BMPR1B: variants seen among roughly 807,000 people sequenced by gnomAD.
BMPR1B encodes the protein bone morphogenetic protein receptor type 1B.
Under a neutral mutation model 59.1 loss-of-function variants are expected in BMPR1B, and 12 were observed. That is an observed-to-expected ratio of 0.20 (90% CI 0.13 to 0.33). The LOEUF is 0.33. Among genes scored for constraint, BMPR1B ranks in the 10% least tolerant of loss-of-function variants. The probability of loss-of-function intolerance (pLI) is 1.00; values close to 1 mark genes in which losing one functional copy is unlikely to be tolerated. For synonymous variants in BMPR1B, 237 were observed against 207.3 expected (o/e 1.14, Z -1.23); for missense variants, 550 against 610.9 (o/e 0.90, Z 1.05).
intron 2 of BMPR1B, among the ~76,000 whole-genome samples, chr4:94,995,380 G>A (rs989498657): frequency 1.9e-4 from 5 of 26,828 alleles, no homozygotes; most frequent in African/African-American, 5.8e-4. Context: ...ATGAACTTAC[G>A]TTGACATATT....
At chr4:95,019,941 C>A (rs896768673) in intron 3 of BMPR1B, among the ~76,000 whole-genome samples, 2 of 151,856 alleles carry the variant, frequency 1.3e-5, no homozygotes, top group African/African-American at 4.8e-5. Flanking sequence ...AATATTGGTA[C>A]CTTGATAAAA....
intron 1 of BMPR1B, among the ~76,000 whole-genome samples, chr4:94,784,721 C>T (rs1441304502): frequency 2.6e-5 from 4 of 152,128 alleles, no homozygotes; most frequent in East Asian, 1.9e-4. Flanking sequence ...TGCCCAGATT[C>T]ATTTGGCTCC....
At chr4:95,029,318 G>T (rs1199075694) in intron 3 of BMPR1B, among the ~76,000 whole-genome samples, 1 of 138,210 alleles carries the variant, frequency 7.2e-6, no homozygotes, top group Non-Finnish European at 1.5e-5. Context: ...TCATTGTTCA[G>T]TTCCCACCTA....
chr4:94,770,737 A>T (rs1476203840), intron 1 of BMPR1B, among the ~76,000 whole-genome samples: 2 of 151,972 alleles, frequency 1.3e-5, no homozygotes, highest in Non-Finnish European at 1.5e-5. Flanking sequence ...GTAAAAATTC[A>T]TCGAATCCTA....
chr4:94,905,464 C>A (rs1727999984), intron 2 of BMPR1B, among the ~76,000 whole-genome samples: 1 of 151,976 alleles, frequency 6.6e-6, no homozygotes, highest in Admixed American at 6.6e-5. Flanking sequence ...ATATTTTTTA[C>A]AGCTTAATCA....
At chr4:94,989,662 G>A (rs1033109076) in intron 2 of BMPR1B, among the ~76,000 whole-genome samples, 10 of 152,050 alleles carry the variant, frequency 6.6e-5, no homozygotes, top group Non-Finnish European at 2.9e-5. Flanking sequence ...TATTGAAATT[G>A]TATGGGAATT....
intron 3 of BMPR1B, 154 bp from the exon 4 acceptor site, chr4:95,104,254 T>C: frequency 1.1e-6 from 1 of 907,994 alleles, no homozygotes; most frequent in Middle Eastern, 3.4e-4. Flanking sequence ...AAAGACATGA[T>C]TTTAATCAAA....
intron 1 of BMPR1B, among the ~76,000 whole-genome samples, chr4:94,772,149 G>T (rs1323186193): frequency 6.6e-6 from 1 of 152,198 alleles, no homozygotes; most frequent in Non-Finnish European, 1.5e-5. Context: ...CACCAGAGTG[G>T]ATGGCAATGA....
At chr4:94,921,066 T>C (rs998024044) in intron 2 of BMPR1B, among the ~76,000 whole-genome samples, 3 of 152,142 alleles carry the variant, frequency 2.0e-5, no homozygotes, top group Admixed American at 6.5e-5. Context: ...TTCTGAACTT[T>C]AACAAAGAGC....
chr4:95,142,331 A>G (rs1734290859), intron 10 of BMPR1B, among the ~76,000 whole-genome samples: 2 of 152,126 alleles, frequency 1.3e-5, no homozygotes, highest in African/African-American at 4.8e-5. Context: ...AATCCAAATC[A>G]TCTTGCTGAG....
intron 3 of BMPR1B, among the ~76,000 whole-genome samples, chr4:95,095,232 ACTAT>A (rs760258347): frequency 6.6e-6 from 1 of 152,032 alleles, no homozygotes; most frequent in Non-Finnish European, 1.5e-5. Context: ...TAGCGATTAA[ACTAT>A]CTGATGTCAC....
At position 94,907,643 on chromosome 4, in the gene BMPR1B, G is replaced by A. The variant is rs77465165; in HGVS notation, c.-113+31743G>A. Among the ~76,000 whole-genome samples, 21 of 151,980 alleles carry A rather than the reference G, an allele frequency of 1.4e-4. No homozygotes were observed. The East Asian group carries it at 3.5e-3, about 25-fold the overall frequency. Reference sequence around the variant, plus strand: ...AGGTAGAGTTAGAGGCTAACTCCACGGCACCCTAGAGTCCATAGCATGTTG... The same window carrying A: ...AGGTAGAGTTAGAGGCTAACTCCACAGCACCCTAGAGTCCATAGCATGTTG... On this transcript the variant is annotated intron_variant, in intron 2 of 12. Transcript: ENST00000515059.
chr4:95,027,512 C>T (rs973367667), intron 3 of BMPR1B, among the ~76,000 whole-genome samples: 1 of 152,156 alleles, frequency 6.6e-6, no homozygotes, highest in African/African-American at 2.4e-5. Context: ...CAAGCCTATT[C>T]TGAAGATGTC....
rs530852432 is a variant in BMPR1B, at chr4:94,820,153, A to G, written c.-182-55678A>G. 2.0e-4 allele frequency among the ~76,000 whole-genome samples: 30 copies of G among 152,062 alleles called. No homozygotes were observed. The South Asian group carries it at 4.8e-3, about 24-fold the overall frequency. On this transcript the variant is annotated intron_variant, in intron 1 of 12. Coordinates refer to ENST00000515059, the MANE Select transcript of BMPR1B (RefSeq NM_001203.3). Reference sequence around the variant, plus strand: ...ACCTCACACAGTGAGGCCCATCAAGACCCCCATTATGTACCTGTGGAAGGG... The same window carrying G: ...ACCTCACACAGTGAGGCCCATCAAGGCCCCCATTATGTACCTGTGGAAGGG...
At position 94,813,559 on chromosome 4, in the gene BMPR1B, C is replaced by T. The variant is rs11934827; in HGVS notation, c.-183+55491C>T. ...GAGATGGAGGGCCTATCACTGGAAT[C>T]GTGCAGGCTGTTGTCAGGCTCGATC... On this transcript the variant is annotated intron_variant, in intron 1 of 12. Transcript: ENST00000515059. Among the ~76,000 whole-genome samples, 472 of 152,256 alleles carry T rather than the reference C, an allele frequency of 3.1e-3. 3 individuals carry two copies. The highest frequency in any genetic ancestry group is 0.011 in the African/African-American group (442 of 41,546).
intron 2 of BMPR1B, among the ~76,000 whole-genome samples, chr4:94,944,885 A>G (rs1015360291): frequency 1.3e-5 from 2 of 152,204 alleles, no homozygotes; most frequent in Non-Finnish European, 2.9e-5. Flanking sequence ...TGACATCATT[A>G]TTATAACAGA....
intron 3 of BMPR1B, among the ~76,000 whole-genome samples, chr4:94,996,866 G>A (rs989833126): frequency 6.6e-6 from 1 of 152,140 alleles, no homozygotes; most frequent in South Asian, 2.1e-4. Flanking sequence ...ATCACAGGTA[G>A]CACTTTAAAT....
At chr4:95,046,765 T>G (rs1726089303) in intron 3 of BMPR1B, among the ~76,000 whole-genome samples, 1 of 152,230 alleles carries the variant, frequency 6.6e-6, no homozygotes, top group African/African-American at 2.4e-5. Flanking sequence ...CAGAACTTTC[T>G]TTGAAGACTC....
intron 1 of BMPR1B, among the ~76,000 whole-genome samples, chr4:94,787,953 T>C (rs573774514): frequency 1.6e-4 from 24 of 152,092 alleles, no homozygotes; most frequent in Non-Finnish European, 3.1e-4. Context: ...GGAATAAATA[T>C]TCAGTAAAAG....
Sources: gnomAD v4.1 joint callset for allele counts (sites outside exome capture counted in the v4.1 genomes callset) on GRCh38, gnomAD v4.1.1 for gene constraint, MANE v1.5 for transcripts, NCBI Gene and HGNC (gene_info 2026-07-23, HGNC 2026-07-21) for gene names.